Variants in MGST1 observed in about 807,000 individuals in gnomAD.
MGST1 encodes glutathione S-transferase 12.
A neutral mutation model predicts 8.9 loss-of-function variants in MGST1; 5 were observed. That is an observed-to-expected ratio of 0.56 (90% CI 0.29 to 1.19). The LOEUF (loss-of-function observed/expected upper bound fraction) is 1.19, where lower values mean the gene tolerates loss of function less well. Ranked by LOEUF, MGST1 falls within the 50% of genes most tolerant of loss-of-function variation. MGST1 has a pLI of 0.08. For missense variants in MGST1, 182 were observed against 187.4 expected (o/e 0.97, Z 0.17); for synonymous variants, 54 against 67.8 (o/e 0.80, Z 1.00).
Position 16,491,167 on chromosome 12 carries a change from C to T in MGST1, n.483-98361C>T, listed in dbSNP as rs75508512. Among the ~76,000 whole-genome samples, 197 of 152,296 alleles carry T rather than the reference C, an allele frequency of 1.3e-3. 4 individuals carry two copies. In the East Asian group the frequency reaches 0.032, roughly 25 times the overall value. On this transcript the variant is annotated intron_variant and non_coding_transcript_variant, in intron 4 of 4. Coordinates refer to the MGST1 transcript ENST00000538857. ...GGCAGCAGAAAGAAAAATCATCTAACATTAAGTAGATCTGTTGTATGGTCA... is the reference window on the plus strand; with the variant it reads ...GGCAGCAGAAAGAAAAATCATCTAATATTAAGTAGATCTGTTGTATGGTCA...
At position 16,586,349 on chromosome 12, in the gene MGST1, A is replaced by G. The variant is rs1456287670; in HGVS notation, n.483-3179A>G. 6.6e-6 allele frequency among the ~76,000 whole-genome samples: 1 copy of G among 152,218 alleles called. No homozygotes were observed. The highest frequency in any genetic ancestry group is 1.5e-5 in the Non-Finnish European group (1 of 68,048). ...ACTAAGAAACAACTAAAACACGTGC[A>G]TGAATGGAGAACCACTGCATGGCTG... On this transcript the variant is annotated intron_variant and non_coding_transcript_variant, in intron 4 of 4. Coordinates refer to the MGST1 transcript ENST00000538857. The surrounding 1 kb of genome is among the most constrained non-coding windows in gnomAD (Gnocchi z 4.3).
chr12:16,451,402 T>C (rs1446002180), intron 4 of MGST1, among the ~76,000 whole-genome samples: 2 of 151,832 alleles, frequency 1.3e-5, no homozygotes, highest in Non-Finnish European at 2.9e-5. Flanking sequence ...CGCAAAGATA[T>C]ACAAAATACA....
exon 4 of MGST1, chr12:16,377,065 G>C (rs1940392425): frequency 6.6e-6 from 1 of 151,978 alleles, no homozygotes; most frequent in Non-Finnish European, 1.5e-5. Context: ...GATGCTGACT[G>C]TTGAGCTAAT....
intron 4 of MGST1, among the ~76,000 whole-genome samples, chr12:16,571,598 G>T (rs1287837976): frequency 6.6e-6 from 1 of 151,916 alleles, no homozygotes; most frequent in Non-Finnish European, 1.5e-5. Context: ...AAAATGTCCT[G>T]GGTTGGGTAG....
downstream of MGST1, among the ~76,000 whole-genome samples, chr12:16,592,539 C>A (rs1054130114): frequency 6.6e-6 from 1 of 151,952 alleles, no homozygotes; most frequent in Non-Finnish European, 1.5e-5. Context: ...CTAATACTTG[C>A]ATGAAGTTAC....
At chr12:16,375,854 A>G (rs774244632) in intron 3 of MGST1, among the ~76,000 whole-genome samples, 1 of 151,924 alleles carries the variant, frequency 6.6e-6, no homozygotes, top group Non-Finnish European at 1.5e-5. Flanking sequence ...GACTTACCAT[A>G]TTAGAAAATA....
intron 4 of MGST1, among the ~76,000 whole-genome samples, chr12:16,506,071 C>G (rs1941536329): frequency 6.6e-6 from 1 of 152,208 alleles, no homozygotes; most frequent in Admixed American, 6.5e-5. Context: ...TAAGATAAAA[C>G]TGTCAAGAAC....
intron 4 of MGST1, among the ~76,000 whole-genome samples, chr12:16,518,584 T>G (rs1941628983): frequency 6.6e-6 from 1 of 152,220 alleles, no homozygotes. Context: ...CATTGCTATA[T>G]TCTTAGCAAC....
intron 4 of MGST1, among the ~76,000 whole-genome samples, chr12:16,572,179 T>C (rs573189206): frequency 2.0e-4 from 31 of 151,986 alleles, no homozygotes; most frequent in East Asian, 1.2e-3. Flanking sequence ...ACCACAACTC[T>C]CAATCCAGTA....
At chr12:16,529,123 T>G (rs1392030872) in intron 4 of MGST1, among the ~76,000 whole-genome samples, 1 of 152,044 alleles carries the variant, frequency 6.6e-6, no homozygotes, top group African/African-American at 2.4e-5. Flanking sequence ...AGCTCTTTTC[T>G]CCTTTAGTGC....
intron 4 of MGST1, among the ~76,000 whole-genome samples, chr12:16,505,034 C>A (rs572443901): frequency 6.8e-4 from 103 of 152,168 alleles, no homozygotes; most frequent in African/African-American, 2.4e-3. Context: ...CTTGAAATTT[C>A]TGTTTCTGTC....
intron 4 of MGST1, among the ~76,000 whole-genome samples, chr12:16,451,175 A>G (rs1285196887): frequency 2.0e-5 from 3 of 152,014 alleles, no homozygotes; most frequent in East Asian, 1.9e-4. Flanking sequence ...TCTTTTAACT[A>G]TAGGTGGTGG....
intron 3 of MGST1, among the ~76,000 whole-genome samples, chr12:16,358,149 T>C (rs757341585): frequency 2.0e-4 from 30 of 152,216 alleles, no homozygotes; most frequent in South Asian, 4.1e-4. Flanking sequence ...GCCATCTCTT[T>C]TTAAATATTA....
chr12:16,496,446 C>T (rs1301592744), intron 4 of MGST1, among the ~76,000 whole-genome samples: 2 of 152,042 alleles, frequency 1.3e-5, no homozygotes, highest in African/African-American at 2.4e-5. Context: ...TGTATGCACA[C>T]AAAACAGCAA....
intron 1 of MGST1, among the ~76,000 whole-genome samples, chr12:16,394,110 G>C (rs1036055917): frequency 5.1e-4 from 78 of 152,260 alleles, no homozygotes; most frequent in African/African-American, 1.7e-3. Context: ...CAAAGTGATG[G>C]CATTAAAGAA....
chr12:16,534,181 A>G (rs1662983435), intron 4 of MGST1, among the ~76,000 whole-genome samples: 2 of 152,236 alleles, frequency 1.3e-5, no homozygotes, highest in Admixed American at 1.3e-4. Flanking sequence ...AAATAAGACA[A>G]AAGAATAACT....
Position 16,435,570 on chromosome 12 carries a change from C to T in MGST1, n.779-1818C>T, listed in dbSNP as rs1006765242. ...CCTTTGTCATCATTCTTAGTATTCT[C>T]AGAAGAAAATTTTCATCCATTCAAC... On this transcript the variant is annotated intron_variant and non_coding_transcript_variant, in intron 1 of 1. Coordinates refer to the MGST1 transcript ENST00000359720. Among the ~76,000 whole-genome samples the T allele has an allele frequency of 3.3e-5, 5 of 151,844 alleles. No homozygotes were observed. The East Asian group carries it at 9.7e-4, about 29-fold the overall frequency.
intron 4 of MGST1, among the ~76,000 whole-genome samples, chr12:16,583,283 G>A (rs1381184416): frequency 6.6e-6 from 1 of 152,056 alleles, no homozygotes; most frequent in Non-Finnish European, 1.5e-5. Flanking sequence ...GGTTGAGGGA[G>A]TATGGATGAC....
At chr12:16,528,903 G>C (rs1220659601) in intron 4 of MGST1, among the ~76,000 whole-genome samples, 2 of 152,030 alleles carry the variant, frequency 1.3e-5, no homozygotes, top group Non-Finnish European at 2.9e-5. Flanking sequence ...GGGCCAATTT[G>C]AGAACTAATC....
Sources: allele counts gnomAD v4.1 joint callset (sites outside exome capture counted in the v4.1 genomes callset), GRCh38; gene constraint gnomAD v4.1.1; non-coding constraint Gnocchi (gnomAD v3.1); transcripts MANE v1.5; gene names NCBI Gene and HGNC (gene_info 2026-07-23, HGNC 2026-07-21).